The following ZFYVE21 variants were observed in gnomAD, a reference collection of about 807,000 sequenced individuals.
The protein encoded by ZFYVE21 is zinc finger FYVE domain-containing protein 21.
A neutral mutation model predicts 29.5 loss-of-function variants in ZFYVE21; 21 were observed. The ratio of observed to expected loss-of-function variants is 0.71; its 90% CI spans 0.50 to 1.02. ZFYVE21 has a LOEUF of 1.02. Ranked by LOEUF, ZFYVE21 falls within the 50% of genes least tolerant of loss-of-function variation. The pLI is 0.00. For synonymous variants in ZFYVE21, 151 were observed against 133.8 expected (o/e 1.13, Z -0.89); for missense variants, 326 against 335.4 (o/e 0.97, Z 0.22).
chr14:103,719,904 T>C (rs2083859159), intron 1 of ZFYVE21, among the ~76,000 whole-genome samples: 1 of 152,078 alleles, frequency 6.6e-6, no homozygotes, highest in Admixed American at 6.5e-5. Context: ...ACTGAGACTT[T>C]GAAGCCACAA....
chr14:103,728,851 A>G lies in ZFYVE21; in HGVS notation c.359-57A>G, dbSNP rs540307007. On this transcript the variant is annotated intron_variant, in intron 3 of 6. Transcript: ENST00000311141. ...GCGTCTCCTACTGGTACTCGTGGGA[A>G]GGGTTAGGTGGAAAAGAAGCAGGCC... is the stretch of plus-strand genomic sequence containing the variant. 3,265 of 1,559,016 alleles carry G rather than the reference A, an allele frequency of 2.1e-3. 7 individuals carry two copies. The highest frequency in any genetic ancestry group is 2.7e-3 in the Non-Finnish European group (3,087 of 1,131,718).
chr14:103,729,692 T>C (rs915979688), intron 5 of ZFYVE21: 5 of 1,397,370 alleles, frequency 3.6e-6, no homozygotes, highest in Non-Finnish European at 4.9e-6. Context: ...CAAACTGTGC[T>C]GACAGATGCG....
At chr14:103,727,668 G>C in intron 2 of ZFYVE21, 78 bp from the exon 3 acceptor site, 1 of 1,572,492 alleles carries the variant, frequency 6.4e-7, no homozygotes, top group Middle Eastern at 1.7e-4. Context: ...CCCGGGGAGT[G>C]CCAGGCCAGC....
rs2083826261 is a variant in ZFYVE21 at position 103,716,944 on chromosome 14, T to C, written c.138+965T>C. Among the ~76,000 whole-genome samples the C allele has an allele frequency of 6.6e-6, 1 of 152,220 alleles. No homozygotes were observed. Among genetic ancestry groups the C allele is most frequent in the Admixed American group, 6.5e-5 (1 of 15,294 alleles). On this transcript the variant is annotated intron_variant, in intron 1 of 6. Coordinates refer to ENST00000311141, the MANE Select transcript of ZFYVE21 (RefSeq NM_024071.4). This position sits in a 1 kb window ranked among gnomAD's most constrained non-coding sequence, Gnocchi z 4.8. ...AGAAAAAGAATTTTTGTAATATGAC[T>C]TTCATACTTAACACGTGTTACAGAT...
chr14:103,733,205 C>A lies in ZFYVE21; in HGVS notation c.*187C>A. On this transcript the variant is annotated 3_prime_UTR_variant, in exon 7 of 7. Transcript: ENST00000311141. ...GCAATATGTTCACAGTTTATTAATG[C>A]TTTAAACAGCTTCATGTTTTAGAAT... is the stretch of plus-strand genomic sequence containing the variant. 1.5e-6 allele frequency: 1 copy of A among 683,660 alleles called. No homozygotes were observed. Among genetic ancestry groups the A allele is most frequent in the Non-Finnish European group, 2.4e-6 (1 of 411,934 alleles). 42.3% of individuals were successfully genotyped at this position (683,660 alleles called of 1,614,324 possible).
At chr14:103,717,961 G>A (rs1333170666) in intron 1 of ZFYVE21, among the ~76,000 whole-genome samples, 1 of 152,238 alleles carries the variant, frequency 6.6e-6, no homozygotes, top group Non-Finnish European at 1.5e-5. Flanking sequence ...CCAGCTTTAG[G>A]TGCAATAGCT....
Position 103,715,815 on chromosome 14 carries a change from C to G in ZFYVE21, c.-27C>G. ...CTGGGCGAGGGGCCGGGTGCGGGGCCGCTGGCCGAGAGGCTGAGGCGGCGT... is the reference window on the plus strand; with the variant it reads ...CTGGGCGAGGGGCCGGGTGCGGGGCGGCTGGCCGAGAGGCTGAGGCGGCGT... On this transcript the variant is annotated 5_prime_UTR_variant, in exon 1 of 7. Transcript: ENST00000311141. 1 of 1,336,874 alleles carries G rather than the reference C, an allele frequency of 7.5e-7. No homozygotes were observed. Among genetic ancestry groups the G allele is most frequent in the Non-Finnish European group, 9.6e-7 (1 of 1,036,460 alleles). The allele number at this position is 1,336,874 out of a possible 1,614,324, so 82.8% of individuals were successfully genotyped here. A position where few individuals can be genotyped will look rare whatever the true frequency, so the allele number is the denominator to read the frequency against.
intron 3 of ZFYVE21, among the ~76,000 whole-genome samples, chr14:103,728,528 G>T (rs113156648): frequency 6.6e-6 from 1 of 152,206 alleles, no homozygotes; most frequent in African/African-American, 2.4e-5. Flanking sequence ...GCTGGACGGT[G>T]GGCTTTGTTG....
Position 103,732,653 on chromosome 14 carries a change from A to T in ZFYVE21, c.560A>T (p.Gln187Leu). 1 of 1,608,086 alleles carries T rather than the reference A, an allele frequency of 6.2e-7. No homozygotes were observed. The highest frequency in any genetic ancestry group is 8.5e-7 in the Non-Finnish European group (1 of 1,178,108). ...GCACGGGCCACAGGCATGTTCCTGC[A>T]GTATACAGTGCCGGGGACGGAGGGT... ...GNARATGMFL[Q>L]YTVPGTEGVT... The change falls in exon 6 of 7, where the codon CAG becomes CTG. Residue 187 changes from glutamine (Q) to leucine (L), a missense_variant. Transcript: ENST00000311141.
intron 1 of ZFYVE21, among the ~76,000 whole-genome samples, chr14:103,722,959 A>G (rs1043719966): frequency 1.3e-5 from 2 of 152,174 alleles, no homozygotes; most frequent in Admixed American, 6.5e-5. Flanking sequence ...GTGTGGTGTT[A>G]TATTTAGAAA....
At chr14:103,724,438 T>A (rs2083901158) in intron 1 of ZFYVE21, 1 of 152,280 alleles carries the variant, frequency 6.6e-6, no homozygotes, top group South Asian at 2.1e-4. Context: ...ATAAGACGTC[T>A]GAGCTCTTGT....
At chr14:103,721,603 C>T (rs958004947) in intron 1 of ZFYVE21, among the ~76,000 whole-genome samples, 1 of 152,154 alleles carries the variant, frequency 6.6e-6, no homozygotes, top group African/African-American at 2.4e-5. Flanking sequence ...CTGTCATTAG[C>T]GGGTTTATCT....
chr14:103,721,842 G>A (rs376182616), intron 1 of ZFYVE21, among the ~76,000 whole-genome samples: 19 of 152,194 alleles, frequency 1.2e-4, no homozygotes, highest in African/African-American at 3.9e-4. Context: ...TTTCCCCAGC[G>A]AATGTGCTGG....
rs1256202409 is a variant in ZFYVE21 at position 103,727,805 on chromosome 14, G to T, written c.249G>T (p.Pro83=). 1.9e-6 allele frequency: 3 copies of T among 1,612,692 alleles called. No individual in the cohort carries two copies. In the Admixed American group the frequency reaches 5.0e-5, roughly 27 times the overall value. The change falls in exon 3 of 7, where the codon CCG becomes CCT. Residue 83 remains proline (P), a synonymous_variant. Transcript: ENST00000311141. ...FCDRCCSQKV[P]LRRMCFVDPV... is the part of the protein sequence containing the mutation. ...ACAGGTGCTGCAGCCAGAAGGTGCC[G>T]CTGCGGCGCATGTGCTTTGTGGACC...
intron 1 of ZFYVE21, chr14:103,726,346 C>T (rs576233463): frequency 3.2e-5 from 5 of 156,482 alleles, no homozygotes; most frequent in African/African-American, 1.2e-4. Flanking sequence ...CTAGCACAGC[C>T]TTCCCTGGTT....
chr14:103,732,719 TGGGCAGG>T lies in ZFYVE21; in HGVS notation c.627_633del (p.Gln213TrpfsTer4). On this transcript the variant is annotated frameshift_variant, in exon 6 of 7. Transcript: ENST00000311141. LOFTEE classifies it high-confidence loss of function. ...CTGACAGTGGTGGAGGACGTGACTGTGGGCAGGAGGCAGGCGGTGGCGTGGCTAGTGG... is the reference window on the plus strand; with the variant it reads ...CTGACAGTGGTGGAGGACGTGACTGTAGGCAGGCGGTGGCGTGGCTAGTGG... The T allele has an allele frequency of 1.2e-6, 2 of 1,613,626 alleles. No individual in the cohort carries two copies. The highest frequency in any genetic ancestry group is 1.7e-6 in the Non-Finnish European group (2 of 1,179,820).
Position 103,732,672 on chromosome 14 carries a change from G to T in ZFYVE21, c.579G>T (p.Thr193=). The change falls in exon 6 of 7, where the codon ACG becomes ACT. Residue 193 remains threonine, a synonymous_variant. Coordinates refer to ENST00000311141, the MANE Select transcript of ZFYVE21 (RefSeq NM_024071.4). The part of the protein sequence containing the change: ...GMFLQYTVPG[T]EGVTQLKLTV... ...TCCTGCAGTATACAGTGCCGGGGAC[G>T]GAGGGTGTGACCCAGCTGAAGCTGA... 6.2e-7 allele frequency: 1 copy of T among 1,612,188 alleles called. No individual in the cohort carries two copies.
rs548950044 is a variant in ZFYVE21, at chr14:103,716,603, G to A, written c.138+624G>A. Reference sequence around the variant, plus strand: ...CTATACCACCCTCCACCTCGGAAGCGAGGTCGCAGTCGCCCACTGGACAGT... The same window carrying A: ...CTATACCACCCTCCACCTCGGAAGCAAGGTCGCAGTCGCCCACTGGACAGT... On this transcript the variant is annotated intron_variant, in intron 1 of 6. Coordinates refer to ENST00000311141, the MANE Select transcript of ZFYVE21 (RefSeq NM_024071.4). This position sits in a 1 kb window ranked among gnomAD's most constrained non-coding sequence, Gnocchi z 4.8. Among the ~76,000 whole-genome samples, 1 of 152,358 alleles carries A rather than the reference G, an allele frequency of 6.6e-6. No homozygotes were observed. Among genetic ancestry groups the A allele is most frequent in the South Asian group, 2.1e-4 (1 of 4,832 alleles).
intron 1 of ZFYVE21, among the ~76,000 whole-genome samples, chr14:103,717,507 C>T (rs1388338794): frequency 1.3e-5 from 2 of 152,258 alleles, no homozygotes; most frequent in African/African-American, 2.4e-5. Context: ...CTGTGTTCCC[C>T]TCCTTCATTC....
Sources: gnomAD v4.1 joint callset for allele counts (sites outside exome capture counted in the v4.1 genomes callset) on GRCh38, gnomAD v4.1.1 for gene constraint, Gnocchi (gnomAD v3.1) non-coding constraint, MANE v1.5 for transcripts, NCBI Gene and HGNC (gene_info 2026-07-23, HGNC 2026-07-21) for gene names.